Variants in INPP5F observed in about 807,000 individuals in gnomAD.
INPP5F encodes the protein inositol polyphosphate-5-phosphatase F.
Under a neutral mutation model 137.2 loss-of-function variants are expected in INPP5F, and 97 were observed. That is an observed-to-expected ratio of 0.71 (90% CI 0.60 to 0.84). The LOEUF (loss-of-function observed/expected upper bound fraction) is 0.84. Among genes scored for constraint, INPP5F ranks in the 40% least tolerant of loss-of-function variants. INPP5F has a pLI of 0.00. For synonymous variants in INPP5F, 504 were observed against 476.9 expected, an observed-to-expected ratio of 1.06 and a Z score of -0.74; for missense variants, 1,271 against 1,371.9, an observed-to-expected ratio of 0.93 and a Z score of 1.16.
rs1443382889 is a variant in INPP5F at position 119,748,151 on chromosome 10, C to A, written c.98-2925C>A. Among the ~76,000 whole-genome samples, 1 of 152,364 alleles carries A rather than the reference C, an allele frequency of 6.6e-6. No individual in the cohort carries two copies. The highest frequency in any genetic ancestry group is 6.5e-5 in the Admixed American group (1 of 15,308). On this transcript the variant is annotated intron_variant, in intron 1 of 19. Transcript: ENST00000650623. The surrounding 1 kb of genome is among the most constrained non-coding windows in gnomAD (Gnocchi z 4.7). ...GCGTGCACGGTCCAGACACTATGCA[C>A]AGCCAGGTGTGCCAGCCGTGGCAGG... is the stretch of plus-strand genomic sequence containing the variant.
chr10:119,761,696 CCTA>C (rs966827408), intron 2 of INPP5F, among the ~76,000 whole-genome samples: 14 of 151,276 alleles, frequency 9.3e-5, no homozygotes, highest in African/African-American at 3.4e-4. Flanking sequence ...GTGCATAAAA[CCTA>C]CTTTATAGAC....
At chr10:119,810,419 C>T (rs1850983368) in intron 14 of INPP5F, among the ~76,000 whole-genome samples, 1 of 152,100 alleles carries the variant, frequency 6.6e-6, no homozygotes, top group Admixed American at 6.5e-5. Context: ...ACAAAAGAAA[C>T]CATCTATTTT....
Position 119,773,513 on chromosome 10 carries a change from C to T in INPP5F, c.179-8122C>T, listed in dbSNP as rs555887770. Among the ~76,000 whole-genome samples the T allele has an allele frequency of 2.6e-5, 4 of 152,310 alleles. No homozygotes were observed. The East Asian group carries it at 7.7e-4, about 29-fold the overall frequency. On this transcript the variant is annotated intron_variant, in intron 2 of 19. Coordinates refer to ENST00000650623, the MANE Select transcript of INPP5F (RefSeq NM_014937.4). ...CTAACCCTTGCTTCCTTCCCACTAT[C>T]CCCCGTTTCGGAATCTCCAGTGTTT...
In INPP5F at chr10:119,726,327, G is replaced by A; in HGVS notation, c.65G>A (p.Ser22Asn). 2.0e-6 allele frequency: 3 copies of A among 1,470,958 alleles called. No individual in the cohort carries two copies. Among genetic ancestry groups the A allele is most frequent in the Non-Finnish European group, 2.7e-6 (3 of 1,108,566 alleles). 91.1% of individuals were successfully genotyped at this position (1,470,958 alleles called of 1,614,324 possible). ...CAGGGCGAGCGCGCGCTGTGGTGCAGCCGCCGCGACGGCGGCCTCCAGCTC... is the reference window on the plus strand; with the variant it reads ...CAGGGCGAGCGCGCGCTGTGGTGCAACCGCCGCGACGGCGGCCTCCAGCTC... The part of the protein sequence containing the change: ...LQQGERALWC[S>N]RRDGGLQLRP... Residue 22 changes from serine (S) to asparagine (N), a missense_variant, in exon 1 of 20, where the codon AGC becomes AAC. By Grantham distance (46) the Ser-to-Asn change is conservative. Transcript: ENST00000650623.
chr10:119,729,609 C>T (rs1366026889), intron 1 of INPP5F, among the ~76,000 whole-genome samples: 3 of 149,262 alleles, frequency 2.0e-5, no homozygotes, highest in Non-Finnish European at 4.4e-5. Flanking sequence ...CAGGGTCTTG[C>T]TCTGTCACCC....
At chr10:119,789,758 A>G (rs1413102636) in intron 3 of INPP5F, among the ~76,000 whole-genome samples, 1 of 151,894 alleles carries the variant, frequency 6.6e-6, no homozygotes, top group Non-Finnish European at 1.5e-5. Flanking sequence ...ATTGGAATCC[A>G]TGAGTCTGGA....
chr10:119,828,974 G>A lies in INPP5F; in HGVS notation c.*1194G>A, dbSNP rs182804929. ...TGTATGGCATATTCCAACAAGTATT[G>A]GTTCGTCTGGTGTCTTTAGAGCTTT... is the stretch of plus-strand genomic sequence containing the variant. On this transcript the variant is annotated 3_prime_UTR_variant, in exon 20 of 20. Transcript: ENST00000650623. The A allele has an allele frequency of 6.6e-6, 1 of 152,594 alleles. No individual in the cohort carries two copies. The highest frequency in any genetic ancestry group is 1.5e-5 in the Non-Finnish European group (1 of 68,042). The allele number at this position is 152,594 out of a possible 1,614,324, so 9.5% of individuals were successfully genotyped here. A position where few individuals can be genotyped will look rare whatever the true frequency, so the allele number is the denominator to read the frequency against.
At chr10:119,758,081 C>T (rs997591411) in intron 2 of INPP5F, among the ~76,000 whole-genome samples, 2 of 152,126 alleles carry the variant, frequency 1.3e-5, no homozygotes, top group Admixed American at 6.6e-5. Flanking sequence ...GGCTGCAGGT[C>T]GAAGCTTGTA....
chr10:119,770,796 T>G (rs1202676950), intron 2 of INPP5F, among the ~76,000 whole-genome samples: 2 of 152,212 alleles, frequency 1.3e-5, no homozygotes, highest in East Asian at 3.8e-4. Context: ...TTGATACATT[T>G]CAAGAATTAT....
chr10:119,764,201 CA>C (rs1849086501), intron 2 of INPP5F, among the ~76,000 whole-genome samples: 1 of 152,186 alleles, frequency 6.6e-6, no homozygotes, highest in South Asian at 2.1e-4. Flanking sequence ...AGCCTCTACC[CA>C]TTACCTGGTT....
chr10:119,807,967 A>T lies in INPP5F; in HGVS notation c.1476A>T (p.Pro492=). ...TAGGTGTGATGCCCCCGGAACAGCC[A>T]TTACCTGTGAAATGTAATCGCATCT... ...KKLGVMPPEQ[P]LPVKCNRIYQ... is the part of the protein sequence containing the mutation. Residue 492 remains proline (P), a synonymous_variant, in exon 13 of 20, where the codon CCA becomes CCT. Coordinates refer to ENST00000650623, the MANE Select transcript of INPP5F (RefSeq NM_014937.4). 1 of 1,613,962 alleles carries T rather than the reference A, an allele frequency of 6.2e-7. No individual in the cohort carries two copies. The highest frequency in any genetic ancestry group is 8.5e-7 in the Non-Finnish European group (1 of 1,179,954).
At position 119,763,080 on chromosome 10, in the gene INPP5F, G is replaced by T. The variant is rs535286213; in HGVS notation, c.178+11924G>T. ...ACTTAGAAAATACAATGGTGGGACA[G>T]ACTTGGGCTAGACATTTCCATTTTC... On this transcript the variant is annotated intron_variant, in intron 2 of 19. Transcript: ENST00000650623. 3.3e-5 allele frequency among the ~76,000 whole-genome samples: 5 copies of T among 152,336 alleles called. 1 individual carries two copies. Among genetic ancestry groups the T allele is most frequent in the African/African-American group, 1.2e-4 (5 of 41,590 alleles).
At chr10:119,826,184 T>C (rs1341398834) in intron 19 of INPP5F, among the ~76,000 whole-genome samples, 2 of 152,234 alleles carry the variant, frequency 1.3e-5, no homozygotes, top group Non-Finnish European at 1.5e-5. Flanking sequence ...GTGGCTGTGC[T>C]AGACCCGCAC....
At chr10:119,755,073 G>A (rs1349145931) in intron 2 of INPP5F, among the ~76,000 whole-genome samples, 1 of 152,176 alleles carries the variant, frequency 6.6e-6, no homozygotes, top group Non-Finnish European at 1.5e-5. Flanking sequence ...TTGAACAGAT[G>A]TCATTGACAG....
At chr10:119,750,184 T>A (rs927617794) in intron 1 of INPP5F, among the ~76,000 whole-genome samples, 1 of 152,268 alleles carries the variant, frequency 6.6e-6, no homozygotes, top group Admixed American at 6.5e-5. Flanking sequence ...GTATAATTAC[T>A]CTGTGAGTTA....
chr10:119,750,159 G>A (rs1229448266), intron 1 of INPP5F, among the ~76,000 whole-genome samples: 2 of 152,162 alleles, frequency 1.3e-5, no homozygotes, highest in Admixed American at 6.5e-5. Flanking sequence ...GAATTTGGAG[G>A]CTAAACTATT....
At chr10:119,732,327 A>G (rs995882573) in intron 1 of INPP5F, among the ~76,000 whole-genome samples, 1 of 151,684 alleles carries the variant, frequency 6.6e-6, no homozygotes, top group Non-Finnish European at 1.5e-5. Flanking sequence ...GTGAGCCACC[A>G]CGCCTGGTAG....
intron 1 of INPP5F, among the ~76,000 whole-genome samples, chr10:119,727,064 C>T (rs1490105536): frequency 6.6e-6 from 1 of 152,214 alleles, no homozygotes; most frequent in African/African-American, 2.4e-5. Flanking sequence ...AATTAGCTTG[C>T]TTTAGGAAAA....
intron 2 of INPP5F, among the ~76,000 whole-genome samples, chr10:119,768,745 A>G (rs1265673563): frequency 6.6e-6 from 1 of 152,190 alleles, no homozygotes; most frequent in East Asian, 1.9e-4. Context: ...AGAGCATACT[A>G]AAGGAAGTAA....
Sources: allele counts gnomAD v4.1 joint callset (sites outside exome capture counted in the v4.1 genomes callset), GRCh38; gene constraint gnomAD v4.1.1; non-coding constraint Gnocchi (gnomAD v3.1); transcripts MANE v1.5; gene names NCBI Gene and HGNC (gene_info 2026-07-23, HGNC 2026-07-21).